Variants in HSD17B2 observed in about 807,000 individuals in gnomAD.
HSD17B2 encodes the protein hydroxysteroid 17-beta dehydrogenase 2.
HSD17B2 carries 32 observed loss-of-function variants against 26.9 expected under a neutral mutation model. The ratio of observed to expected loss-of-function variants is 1.19; its 90% CI spans 0.90 to 1.60. The LOEUF (loss-of-function observed/expected upper bound fraction) is 1.60. Ranked by LOEUF, HSD17B2 falls within the 40% of genes most tolerant of loss-of-function variation. HSD17B2 has a pLI of 0.00. For synonymous variants in HSD17B2, 246 were observed against 186.7 expected (o/e 1.32, Z -2.59); for missense variants, 613 against 468.6 (o/e 1.31, Z -2.85).
intron 1 of HSD17B2, among the ~76,000 whole-genome samples, chr16:82,036,480 C>A (rs947761873): frequency 1.3e-5 from 2 of 151,624 alleles, no homozygotes; most frequent in Non-Finnish European, 2.9e-5. Context: ...GTTATCCTAA[C>A]CCAGAAAGCC....
chr16:82,068,603 G>T (rs1302058339), intron 2 of HSD17B2, among the ~76,000 whole-genome samples: 2 of 152,044 alleles, frequency 1.3e-5, no homozygotes, highest in African/African-American at 4.8e-5. Flanking sequence ...AGAAACCTCA[G>T]TCTCATTCTC....
At position 82,098,328 on chromosome 16, in the gene HSD17B2, C is replaced by T. The variant is rs2142372492; in HGVS notation, c.1056C>T (p.His352=). ...KGAYLWICLA[H]YLPIGIYDYF... is the part of the protein sequence containing the mutation. ...CTTACTTGTGGATCTGCCTTGCTCA[C>T]TATTTGCCTATTGGCATATATGATT... Residue 352 remains histidine, a synonymous_variant, in exon 5 of 5, where the codon CAC becomes CAT. Coordinates refer to ENST00000199936, the MANE Select transcript of HSD17B2 (RefSeq NM_002153.3). The T allele has an allele frequency of 6.2e-7, 1 of 1,614,220 alleles. No homozygotes were observed. Among genetic ancestry groups the T allele is most frequent in the Middle Eastern group, 1.7e-4 (1 of 6,060 alleles).
At chr16:82,087,195 G>A (rs1567592249) in intron 3 of HSD17B2, among the ~76,000 whole-genome samples, 5 of 152,268 alleles carry the variant, frequency 3.3e-5, no homozygotes, top group African/African-American at 1.2e-4. Flanking sequence ...AGAGGAATAA[G>A]TTACATAGAT....
intron 1 of HSD17B2, among the ~76,000 whole-genome samples, chr16:82,065,960 G>A (rs1914561135): frequency 6.6e-6 from 1 of 152,194 alleles, no homozygotes; most frequent in African/African-American, 2.4e-5. Flanking sequence ...TCCAGGGAGA[G>A]CACACACAGC....
At chr16:82,072,799 T>C (rs1914727080) in intron 3 of HSD17B2, among the ~76,000 whole-genome samples, 1 of 152,180 alleles carries the variant, frequency 6.6e-6, no homozygotes, top group Admixed American at 6.5e-5. Context: ...CTCAAGGATG[T>C]AACTCCAGCA....
intron 1 of HSD17B2, among the ~76,000 whole-genome samples, chr16:82,048,597 TGAA>T (rs1914008806): frequency 6.6e-6 from 1 of 152,156 alleles, no homozygotes; most frequent in Admixed American, 6.5e-5. Context: ...AGGAAGGACT[TGAA>T]GAAGAGACAT....
chr16:82,055,519 G>C (rs1232981195), intron 1 of HSD17B2, among the ~76,000 whole-genome samples: 3 of 152,152 alleles, frequency 2.0e-5, no homozygotes, highest in African/African-American at 7.2e-5. Context: ...GTAATGAATA[G>C]GCAGGAACAC....
intron 3 of HSD17B2, among the ~76,000 whole-genome samples, chr16:82,072,534 T>C (rs960821939): frequency 3.9e-5 from 6 of 152,158 alleles, no homozygotes; most frequent in African/African-American, 1.4e-4. Flanking sequence ...GAGTACTGCC[T>C]CCTCCTTGGC....
At chr16:82,041,419 C>T (rs528172172) in intron 1 of HSD17B2, among the ~76,000 whole-genome samples, 3 of 152,354 alleles carry the variant, frequency 2.0e-5, no homozygotes, top group African/African-American at 7.2e-5. Flanking sequence ...AGTGACATGG[C>T]TGAGCTGTTG....
intron 1 of HSD17B2, among the ~76,000 whole-genome samples, chr16:82,052,128 T>A (rs747535606): frequency 2.2e-4 from 33 of 152,164 alleles, no homozygotes; most frequent in Non-Finnish European, 2.9e-4. Flanking sequence ...GTCTTGTAGG[T>A]AGTTTGCTGA....
chr16:82,083,612 C>T (rs1258587089), intron 3 of HSD17B2, among the ~76,000 whole-genome samples: 1 of 152,162 alleles, frequency 6.6e-6, no homozygotes, highest in Non-Finnish European at 1.5e-5. Flanking sequence ...CAAAAACCAT[C>T]CCACCATGAG....
At chr16:82,061,499 C>T (rs1308684980) in intron 1 of HSD17B2, among the ~76,000 whole-genome samples, 1 of 152,164 alleles carries the variant, frequency 6.6e-6, no homozygotes, top group Non-Finnish European at 1.5e-5. Flanking sequence ...GGTCTCCCAG[C>T]TCCAGAATCC....
intron 3 of HSD17B2, among the ~76,000 whole-genome samples, chr16:82,075,526 A>C (rs1904296056): frequency 1.3e-5 from 2 of 152,236 alleles, no homozygotes; most frequent in Non-Finnish European, 2.9e-5. Flanking sequence ...AGAGATGACA[A>C]AGGAGACATT....
At chr16:82,051,333 T>A (rs1914100015) in intron 1 of HSD17B2, among the ~76,000 whole-genome samples, 1 of 152,196 alleles carries the variant, frequency 6.6e-6, no homozygotes, top group South Asian at 2.1e-4. Flanking sequence ...GGCAGGCAAG[T>A]GCCTTCCCGC....
rs778111926 is a variant in HSD17B2, at chr16:82,068,345, T to A, written c.441T>A (p.Asp147Glu). The A allele has an allele frequency of 1.2e-6, 2 of 1,613,594 alleles. No homozygotes were observed. Among genetic ancestry groups the A allele is most frequent in the East Asian group, 4.5e-5 (2 of 44,888 alleles). Residue 147 changes from aspartate (D) to glutamate (E), a missense_variant, in exon 2 of 5, where the codon GAT becomes GAA. By Grantham distance (45) the Asp-to-Glu change is conservative. Coordinates refer to ENST00000199936, the MANE Select transcript of HSD17B2 (RefSeq NM_002153.3). ...TCACGAAGCCAGTGCAGATAAAAGA[T>A]GCTTACAGCAAGGTTGCAGCAATGC... ...MDITKPVQIK[D>E]AYSKVAAMLQ...
At chr16:82,041,991 TC>T (rs1199467483) in intron 1 of HSD17B2, among the ~76,000 whole-genome samples, 2 of 151,736 alleles carry the variant, frequency 1.3e-5, no homozygotes, top group East Asian at 3.9e-4. Flanking sequence ...CCCTTTCTTT[TC>T]TTTTCTTTTT....
intron 4 of HSD17B2, chr16:82,092,932 G>A (rs950385204): frequency 1.3e-5 from 2 of 152,170 alleles, no homozygotes; most frequent in Non-Finnish European, 2.9e-5. Context: ...ACACACAGAT[G>A]TAAAATTCCA....
intron 1 of HSD17B2, 83 bp from the exon 2 acceptor site, chr16:82,068,087 C>G (rs1271479553): frequency 1.6e-6 from 2 of 1,212,620 alleles, no homozygotes; most frequent in African/African-American, 3.0e-5. Context: ...GAATCGTAAA[C>G]AACGTAATAT....
At chr16:82,043,557 G>A (rs894157031) in intron 1 of HSD17B2, among the ~76,000 whole-genome samples, 7 of 141,938 alleles carry the variant, frequency 4.9e-5, no homozygotes, top group Non-Finnish European at 7.4e-5. Flanking sequence ...CGTGGCAGGC[G>A]CCTGTAGTCC....
Sources: allele counts gnomAD v4.1 joint callset (sites outside exome capture counted in the v4.1 genomes callset), GRCh38; gene constraint gnomAD v4.1.1; transcripts MANE v1.5; gene names NCBI Gene and HGNC (gene_info 2026-07-23, HGNC 2026-07-21).